Variants in NAV2 observed in about 807,000 individuals in gnomAD.
The protein encoded by NAV2 is helicase, APC down-regulated 1.
A neutral mutation model predicts 223.2 loss-of-function variants in NAV2; 54 were observed. The observed-to-expected ratio is 0.24, with a 90% CI of 0.19 to 0.30. NAV2 has a LOEUF of 0.30. NAV2 is among the 10% of genes least tolerant of loss of function. The pLI, the probability that NAV2 is intolerant of heterozygous loss-of-function variation, is 1.00. For missense variants in NAV2, 2,806 were observed against 3,147.5 expected, an observed-to-expected ratio of 0.89 and a Z score of 2.60; for synonymous variants, 1,279 against 1,239.3, an observed-to-expected ratio of 1.03 and a Z score of -0.67.
chr11:19,981,323 G>A (rs80004595), intron 10 of NAV2: 37 of 152,278 alleles, frequency 2.4e-4, no homozygotes, highest in African/African-American at 7.5e-4. Flanking sequence ...CGTTGCACCC[G>A]GGTGTAGCTG....
intron 1 of NAV2, chr11:19,401,939 A>G: frequency 1.3e-5 from 2 of 152,216 alleles, no homozygotes; most frequent in East Asian, 3.8e-4. Context: ...AGCTTCTGAG[A>G]TCAGACGAGA....
At chr11:20,038,088 C>T (rs1168860641) in intron 12 of NAV2, among the ~76,000 whole-genome samples, 3 of 152,160 alleles carry the variant, frequency 2.0e-5, no homozygotes, top group Non-Finnish European at 2.9e-5. Context: ...GAAGAATGTC[C>T]TTGCCTTTGT....
intron 3 of NAV2, 104 bp downstream of exon 3, chr11:19,843,027 G>T: frequency 1.1e-6 from 1 of 924,212 alleles, no homozygotes. Flanking sequence ...CTTTACTCCA[G>T]GGGATTATAT....
At chr11:19,584,607 T>A (rs934084459) in intron 1 of NAV2, among the ~76,000 whole-genome samples, 2 of 152,242 alleles carry the variant, frequency 1.3e-5, no homozygotes, top group African/African-American at 4.8e-5. Context: ...TCAAAGAACA[T>A]CTTTATTTCT....
intron 1 of NAV2, among the ~76,000 whole-genome samples, chr11:19,741,685 GTGTATATATATATATATATATATA>G (rs1259536145): frequency 3.0e-5 from 4 of 131,854 alleles, no homozygotes; most frequent in African/African-American, 6.3e-5. Flanking sequence ...ATGTGTGTGT[GTGTATATATATATATATATATATA>G]TATATATATA....
rs556942725 is a variant in NAV2 at position 19,989,241 on chromosome 11, T to C, written c.2768+4994T>C. On this transcript the variant is annotated intron_variant, in intron 11 of 37. Transcript: ENST00000349880. ...GCTTATTCAGGTGGGTCCAACATAA[T>C]CACAAGGTCCTCAAAAGTGAAAGAG... Among the ~76,000 whole-genome samples the C allele has an allele frequency of 3.0e-3, 457 of 152,180 alleles. 2 individuals carry two copies. Among genetic ancestry groups the C allele is most frequent in the African/African-American group, 0.011 (437 of 41,532 alleles).
intron 8 of NAV2, among the ~76,000 whole-genome samples, chr11:19,940,271 T>G (rs963832411): frequency 1.3e-5 from 2 of 152,158 alleles, no homozygotes; most frequent in Non-Finnish European, 2.9e-5. Flanking sequence ...AAATATAAAT[T>G]TTATTTAAAT....
intron 1 of NAV2, among the ~76,000 whole-genome samples, chr11:19,784,661 A>G (rs1199714664): frequency 1.3e-5 from 2 of 152,094 alleles, no homozygotes; most frequent in African/African-American, 4.8e-5. Context: ...GCACTTGATC[A>G]CTCCAAGTAT....
At chr11:20,095,575 A>G in intron 29 of NAV2, 97 bp from the exon 30 acceptor site, 2 of 800,354 alleles carry the variant, frequency 2.5e-6, no homozygotes, top group Admixed American at 3.8e-5. Flanking sequence ...CCCCTCTCAA[A>G]CCATTGGCGG....
chr11:19,771,270 C>A (rs1778438003), intron 1 of NAV2, among the ~76,000 whole-genome samples: 1 of 152,116 alleles, frequency 6.6e-6, no homozygotes, highest in African/African-American at 2.4e-5. Context: ...CTCTCTCCTA[C>A]TATAAGAGGA....
chr11:19,836,695 A>G (rs912642243), intron 2 of NAV2, among the ~76,000 whole-genome samples: 4 of 152,160 alleles, frequency 2.6e-5, no homozygotes, highest in Admixed American at 6.5e-5. Flanking sequence ...AATGGTGAAG[A>G]GTTGGAATCC....
chr11:20,007,911 A>G lies in NAV2; in HGVS notation c.2768+23664A>G, dbSNP rs79604848. 3.9e-3 allele frequency among the ~76,000 whole-genome samples: 597 copies of G among 152,350 alleles called. 1 individual carries two copies. Among genetic ancestry groups the G allele is most frequent in the African/African-American group, 0.014 (581 of 41,576 alleles). ...ATGATGCTGTTTTGGATTTGTAAAA[A>G]CATTTTATGTTCACAAAAACAAAAA... On this transcript the variant is annotated intron_variant, in intron 11 of 37. Transcript: ENST00000349880.
At chr11:19,558,648 T>A (rs1201452414) in intron 1 of NAV2, among the ~76,000 whole-genome samples, 1 of 152,234 alleles carries the variant, frequency 6.6e-6, no homozygotes, top group South Asian at 2.1e-4. Flanking sequence ...ATGCAATTTA[T>A]AGAGCATTTT....
intron 1 of NAV2, among the ~76,000 whole-genome samples, chr11:19,537,744 A>G (rs2044229412): frequency 6.6e-6 from 1 of 152,238 alleles, no homozygotes; most frequent in Admixed American, 6.5e-5. Context: ...ATCTAGTCTA[A>G]GTGCTTTTTA....
At chr11:19,441,235 T>C (rs1021930037) in intron 1 of NAV2, among the ~76,000 whole-genome samples, 3 of 152,126 alleles carry the variant, frequency 2.0e-5, no homozygotes, top group Non-Finnish European at 4.4e-5. Flanking sequence ...TCTAGGAGAA[T>C]GGCTGGAGAT....
At chr11:19,573,240 C>T (rs1406416004) in intron 1 of NAV2, among the ~76,000 whole-genome samples, 2 of 152,056 alleles carry the variant, frequency 1.3e-5, no homozygotes, top group African/African-American at 2.4e-5. Flanking sequence ...CCCTGGGCAC[C>T]CTGTTCAGAA....
chr11:19,461,626 C>T (rs1406958146), intron 1 of NAV2, among the ~76,000 whole-genome samples: 1 of 152,040 alleles, frequency 6.6e-6, no homozygotes, highest in Non-Finnish European at 1.5e-5. Flanking sequence ...TGGAAGGGAC[C>T]GTTTAGATCA....
intron 6 of NAV2, among the ~76,000 whole-genome samples, chr11:19,926,333 A>T (rs1195261754): frequency 6.6e-6 from 1 of 152,066 alleles, no homozygotes; most frequent in Non-Finnish European, 1.5e-5. Context: ...TCCTGTCTCC[A>T]TTCTTTGTTT....
chr11:19,619,370 C>T (rs1169075940), intron 1 of NAV2, among the ~76,000 whole-genome samples: 1 of 152,080 alleles, frequency 6.6e-6, no homozygotes, highest in Admixed American at 6.6e-5. Flanking sequence ...GTTTACAGTC[C>T]CACCAACAGT....
Sources: allele counts gnomAD v4.1 joint callset (sites outside exome capture counted in the v4.1 genomes callset), GRCh38; gene constraint gnomAD v4.1.1; transcripts MANE v1.5; gene names NCBI Gene and HGNC (gene_info 2026-07-23, HGNC 2026-07-21).